The following EHBP1 variants were observed in gnomAD, a reference collection of about 807,000 sequenced individuals.
The protein encoded by EHBP1 is EH domain-binding protein 1.
In EHBP1, 55 loss-of-function variants were observed where a neutral mutation model predicts 144.0. That is an observed-to-expected ratio of 0.38 (90% CI 0.31 to 0.48). EHBP1 has a LOEUF of 0.48. Among genes scored for constraint, EHBP1 ranks in the 20% least tolerant of loss-of-function variants. The pLI, the probability that EHBP1 is intolerant of heterozygous loss-of-function variation, is 0.98. For missense variants in EHBP1, 1,200 were observed against 1,364.2 expected (o/e 0.88, Z 1.90); for synonymous variants, 469 against 472.7 (o/e 0.99, Z 0.10).
chr2:62,841,782 G>A (rs987496983), intron 7 of EHBP1, among the ~76,000 whole-genome samples: 1 of 148,136 alleles, frequency 6.8e-6, no homozygotes, highest in Non-Finnish European at 1.5e-5. Context: ...TCTTATTTTG[G>A]TTATTTGGCT....
chr2:62,793,698 T>TA (rs1159908361), intron 5 of EHBP1, among the ~76,000 whole-genome samples: 1 of 152,116 alleles, frequency 6.6e-6, no homozygotes, highest in Non-Finnish European at 1.5e-5. Context: ...CAGTGATTCT[T>TA]ATTTTGTAAA....
At chr2:62,748,319 C>T (rs1248315868) in intron 3 of EHBP1, among the ~76,000 whole-genome samples, 1 of 151,728 alleles carries the variant, frequency 6.6e-6, no homozygotes, top group African/African-American at 2.4e-5. Flanking sequence ...GGAGTGGAAC[C>T]GAATTTTATA....
chr2:62,691,027 C>T (rs1044350073), intron 1 of EHBP1, among the ~76,000 whole-genome samples: 1 of 152,210 alleles, frequency 6.6e-6, no homozygotes, highest in African/African-American at 2.4e-5. Flanking sequence ...CTCAGGTTAA[C>T]TTAGAAAGTT....
At chr2:62,790,637 T>C (rs1026506654) in intron 5 of EHBP1, among the ~76,000 whole-genome samples, 1 of 152,162 alleles carries the variant, frequency 6.6e-6, no homozygotes, top group African/African-American at 2.4e-5. Context: ...TTTCTACATG[T>C]AAGTTATACA....
At chr2:62,749,606 T>A (rs2039484483) in intron 3 of EHBP1, among the ~76,000 whole-genome samples, 1 of 152,204 alleles carries the variant, frequency 6.6e-6, no homozygotes, top group African/African-American at 2.4e-5. Flanking sequence ...CTACCAACAG[T>A]GTAAAAGTGT....
At chr2:62,847,644 G>A (rs898848201) in intron 7 of EHBP1, among the ~76,000 whole-genome samples, 5 of 152,064 alleles carry the variant, frequency 3.3e-5, no homozygotes, top group South Asian at 2.1e-4. Context: ...GTCCATCCTC[G>A]GTAACATAGT....
chr2:62,962,496 G>A (rs2058051660), intron 14 of EHBP1, among the ~76,000 whole-genome samples: 1 of 152,152 alleles, frequency 6.6e-6, no homozygotes, highest in South Asian at 2.1e-4. Flanking sequence ...TGCATTTGAT[G>A]TGCTTAAGTT....
At chr2:62,905,073 T>A (rs767631720) in intron 10 of EHBP1, among the ~76,000 whole-genome samples, 16 of 152,192 alleles carry the variant, frequency 1.1e-4, no homozygotes, top group Admixed American at 2.0e-4. Flanking sequence ...ATGAAGGTGA[T>A]GTTTAAGTAG....
intron 14 of EHBP1, among the ~76,000 whole-genome samples, chr2:62,972,988 A>G (rs933289672): frequency 1.3e-5 from 2 of 152,182 alleles, no homozygotes; most frequent in Non-Finnish European, 2.9e-5. Context: ...GAGAACAATG[A>G]TGAGTAAATA....
At chr2:62,931,638 A>G (rs1408759625) in intron 10 of EHBP1, among the ~76,000 whole-genome samples, 1 of 152,204 alleles carries the variant, frequency 6.6e-6, no homozygotes, top group African/African-American at 2.4e-5. Flanking sequence ...AAAGTTCCAG[A>G]AATAATTCAT....
chr2:62,941,854 G>A (rs2056774123), intron 10 of EHBP1, among the ~76,000 whole-genome samples: 1 of 151,978 alleles, frequency 6.6e-6, no homozygotes, highest in Non-Finnish European at 1.5e-5. Flanking sequence ...AATTGTACTA[G>A]CCTCTAAAGT....
chr2:62,837,548 T>C (rs2047381512), intron 7 of EHBP1, among the ~76,000 whole-genome samples: 1 of 151,928 alleles, frequency 6.6e-6, no homozygotes, highest in Non-Finnish European at 1.5e-5. Context: ...GACTGGCAAA[T>C]TGGATAAAGA....
chr2:62,748,126 A>G (rs1344357955), intron 3 of EHBP1, among the ~76,000 whole-genome samples: 1 of 152,136 alleles, frequency 6.6e-6, no homozygotes, highest in Non-Finnish European at 1.5e-5. Context: ...TTAAGAATTA[A>G]TGATTAAACA....
chr2:62,854,195 G>A (rs1358973268), intron 7 of EHBP1, among the ~76,000 whole-genome samples: 1 of 152,168 alleles, frequency 6.6e-6, no homozygotes, highest in Non-Finnish European at 1.5e-5. Context: ...CTTGCTCTGG[G>A]TTAGGATTTG....
At chr2:62,742,909 T>G (rs533003888) in intron 2 of EHBP1, among the ~76,000 whole-genome samples, 1 of 152,260 alleles carries the variant, frequency 6.6e-6, no homozygotes, top group East Asian at 1.9e-4. Context: ...TGCTTCTTAA[T>G]AAGTGTGCAA....
At chr2:62,929,636 A>G (rs1264560440) in intron 10 of EHBP1, among the ~76,000 whole-genome samples, 1 of 152,216 alleles carries the variant, frequency 6.6e-6, no homozygotes, top group Admixed American at 6.5e-5. Context: ...ATAGTGAAAG[A>G]CTTCTATGAT....
At chr2:62,681,829 T>C (rs1216569387) in intron 1 of EHBP1, among the ~76,000 whole-genome samples, 10 of 152,162 alleles carry the variant, frequency 6.6e-5, no homozygotes, top group African/African-American at 1.9e-4. Flanking sequence ...CTGAGTGTAT[T>C]TATCCCAGAG....
At chr2:62,814,082 A>C (rs576313478) in intron 5 of EHBP1, among the ~76,000 whole-genome samples, 17 of 152,318 alleles carry the variant, frequency 1.1e-4, no homozygotes, top group Middle Eastern at 3.4e-3. Flanking sequence ...GCTGTGGTGG[A>C]ATGCTGTAGT....
chr2:62,864,885 T>C lies in EHBP1; in HGVS notation c.912T>C (p.Ser304=), dbSNP rs2049919850. 8 of 1,614,012 alleles carry C rather than the reference T, an allele frequency of 5.0e-6. No individual in the cohort carries two copies. In the East Asian group the frequency reaches 1.8e-4, roughly 36 times the overall value. ...CCATAAAGGATTCTCCTCCCCAGTC[T>C]ACAAAAAGAAAAAATATAAGACCTG... ...FVTIKDSPPQ[S]TKRKNIRPVD... The change falls in exon 9 of 23, where the codon TCT becomes TCC. Residue 304 remains serine, a synonymous_variant. Transcript: ENST00000431489.
Sources: gnomAD v4.1 joint callset for allele counts (sites outside exome capture counted in the v4.1 genomes callset) on GRCh38, gnomAD v4.1.1 for gene constraint, MANE v1.5 for transcripts, NCBI Gene and HGNC (gene_info 2026-07-23, HGNC 2026-07-21) for gene names.